Variants in RTN4 observed in about 807,000 individuals in gnomAD.
RTN4 encodes reticulon-4.
RTN4 carries 32 observed loss-of-function variants against 90.4 expected under a neutral mutation model. The observed-to-expected ratio is 0.35, with a 90% CI of 0.27 to 0.48. RTN4 has a LOEUF of 0.48. RTN4 is among the 20% of genes least tolerant of loss of function. RTN4 has a pLI of 0.99. For synonymous variants in RTN4, 629 were observed against 552.5 expected (o/e 1.14, Z -1.94); for missense variants, 1,706 against 1,430.2 (o/e 1.19, Z -3.11).
At chr2:55,004,897 G>A (rs1463931777) in intron 3 of RTN4, among the ~76,000 whole-genome samples, 2 of 152,138 alleles carry the variant, frequency 1.3e-5, no homozygotes, top group African/African-American at 4.8e-5. Context: ...AGATGGGAGT[G>A]AGGAACACTG....
At chr2:55,050,593 G>C (rs1668057337), upstream of RTN4, 2 of 281,494 alleles carry the variant, frequency 7.1e-6, no homozygotes. The surrounding 1 kb of genome is among the most constrained non-coding windows in gnomAD (Gnocchi z 4.6). Context: ...GGGGAGGGCA[G>C]GGACTGGCGC....
chr2:55,085,293 G>A (rs532967001), intron 1 of RTN4, among the ~76,000 whole-genome samples: 3 of 151,684 alleles, frequency 2.0e-5, no homozygotes, highest in Non-Finnish European at 2.9e-5. Flanking sequence ...GTGGGGGTGT[G>A]TGTGTATATA....
intron 2 of RTN4, among the ~76,000 whole-genome samples, chr2:55,072,504 C>T (rs1238141356): frequency 6.6e-6 from 1 of 152,214 alleles, no homozygotes; most frequent in African/African-American, 2.4e-5. Context: ...GCTGGGATTA[C>T]AGGCGTGAGC....
At chr2:55,010,115 G>A (rs375619010) in intron 3 of RTN4, 25 of 1,613,342 alleles carry the variant, frequency 1.5e-5, no homozygotes, top group South Asian at 9.9e-5. Context: ...TCTTCTGACC[G>A]TCCATCTCTT....
At chr2:55,105,732 G>T (rs927184141) in intron 1 of RTN4, among the ~76,000 whole-genome samples, 1 of 152,010 alleles carries the variant, frequency 6.6e-6, no homozygotes, top group Admixed American at 6.6e-5. Flanking sequence ...ACTTTGGGAG[G>T]GGAAGGAAGC....
At chr2:55,024,464 G>A (rs1037668117) in intron 3 of RTN4, among the ~76,000 whole-genome samples, 8 of 152,232 alleles carry the variant, frequency 5.3e-5, no homozygotes, top group South Asian at 4.1e-4. Flanking sequence ...AAGAGCACAT[G>A]TGCAAATCAC....
Position 54,987,478 on chromosome 2 carries a change from C to T in RTN4, c.3221+13G>A. The T allele has an allele frequency of 6.3e-7, 1 of 1,582,378 alleles. No individual in the cohort carries two copies. Among genetic ancestry groups the T allele is most frequent in the Non-Finnish European group, 8.7e-7 (1 of 1,150,840 alleles). On this transcript the variant is annotated intron_variant, in intron 4 of 8. Transcript: ENST00000337526. ...CTATTGCCAATGCATGCCTTGTTTT[C>T]CAGACATCTCACCTGAATGGGTGGC...
intron 2 of RTN4, among the ~76,000 whole-genome samples, chr2:55,062,793 T>A (rs1463183066): frequency 2.0e-5 from 3 of 152,266 alleles, no homozygotes; most frequent in Non-Finnish European, 4.4e-5. Flanking sequence ...ATTAGCCATC[T>A]ACCTGGTCAT....
intron 1 of RTN4, among the ~76,000 whole-genome samples, chr2:55,101,800 T>G (rs770686484): frequency 1.3e-5 from 2 of 152,100 alleles, no homozygotes; most frequent in Non-Finnish European, 2.9e-5. Flanking sequence ...GCAAATTAAT[T>G]AATTTTGTAT....
chr2:55,081,306 G>A (rs1385242269), intron 1 of RTN4, among the ~76,000 whole-genome samples: 1 of 151,806 alleles, frequency 6.6e-6, no homozygotes, highest in African/African-American at 2.4e-5. Context: ...CGAACTCCTG[G>A]GCTCAAGTGA....
intron 1 of RTN4, among the ~76,000 whole-genome samples, chr2:55,107,510 T>C (rs200699038): frequency 6.6e-6 from 1 of 150,718 alleles, no homozygotes; most frequent in South Asian, 2.1e-4. Flanking sequence ...AGAACAAACC[T>C]CACAGCCAGT....
At chr2:55,050,594 GGA>G, upstream of RTN4, 1 of 278,362 alleles carries the variant, frequency 3.6e-6, no homozygotes. The surrounding 1 kb of genome is among the most constrained non-coding windows in gnomAD (Gnocchi z 4.6). Flanking sequence ...GGGAGGGCAG[GGA>G]CTGGCGCGGG....
the RTN4 span, among the ~76,000 whole-genome samples, chr2:55,127,300 T>G: frequency 1.3e-5 from 2 of 152,210 alleles, 1 homozygote; most frequent in South Asian, 4.1e-4. Context: ...GCTGACAAGA[T>G]GATCACCTTT....
intron 2 of RTN4, 107 bp from the exon 3 acceptor site, chr2:55,027,592 T>C (rs1682004361): frequency 8.9e-7 from 1 of 1,121,480 alleles, no homozygotes; most frequent in African/African-American, 1.6e-5. Flanking sequence ...TACTGTTTAC[T>C]AAAATGAAAT....
intron 3 of RTN4, among the ~76,000 whole-genome samples, chr2:55,003,051 C>T (rs1379189750): frequency 6.6e-6 from 1 of 152,088 alleles, no homozygotes; most frequent in Admixed American, 6.6e-5. Context: ...CTATTTTCTA[C>T]TAACAAAAAC....
At chr2:55,131,518 T>C in the RTN4 span, among the ~76,000 whole-genome samples, 1 of 152,172 alleles carries the variant, frequency 6.6e-6, no homozygotes, top group Non-Finnish European at 1.5e-5. Context: ...TAAAGTATTT[T>C]TTAATACTTT....
At chr2:55,118,875 A>C in the RTN4 span, among the ~76,000 whole-genome samples, 1 of 152,250 alleles carries the variant, frequency 6.6e-6, no homozygotes, top group Non-Finnish European at 1.5e-5. Flanking sequence ...ATCAGGAAGC[A>C]AGCAGCCTGC....
chr2:55,068,845 A>C (rs375300038), intron 2 of RTN4, among the ~76,000 whole-genome samples: 4 of 152,248 alleles, frequency 2.6e-5, no homozygotes, highest in African/African-American at 9.6e-5. Flanking sequence ...TCAAGATTTA[A>C]TTAATACTTT....
chr2:55,001,403 C>G (rs906061351), intron 3 of RTN4, among the ~76,000 whole-genome samples: 1 of 152,106 alleles, frequency 6.6e-6, no homozygotes, highest in Non-Finnish European at 1.5e-5. Flanking sequence ...TTGAGGAGTA[C>G]AAGATTCTCT....
Sources: gnomAD v4.1 joint callset for allele counts (sites outside exome capture counted in the v4.1 genomes callset) on GRCh38, gnomAD v4.1.1 for gene constraint, Gnocchi (gnomAD v3.1) non-coding constraint, MANE v1.5 for transcripts, NCBI Gene and HGNC (gene_info 2026-07-23, HGNC 2026-07-21) for gene names.